Variants in MDN1 observed in about 807,000 individuals in gnomAD.
MDN1 encodes midasin.
Under a neutral mutation model 669.2 loss-of-function variants are expected in MDN1, and 266 were observed. The ratio of observed to expected loss-of-function variants is 0.40; its 90% confidence interval spans 0.36 to 0.44. MDN1 has a LOEUF of 0.44. Ranked by LOEUF, MDN1 falls within the 20% of genes least tolerant of loss-of-function variation. The pLI, the probability that MDN1 is intolerant of heterozygous loss-of-function variation, is 1.00. For missense variants in MDN1, 5,940 were observed against 6,754.0 expected (o/e 0.88, Z 4.22); for synonymous variants, 2,385 against 2,457.1 (o/e 0.97, Z 0.87).
At chr6:89,667,819 G>T (rs1270658124) in intron 84 of MDN1, among the ~76,000 whole-genome samples, 195 bp downstream of exon 84, 1 of 152,020 alleles carries the variant, frequency 6.6e-6, no homozygotes, top group Non-Finnish European at 1.5e-5. Context: ...AACCAATGAT[G>T]GAGTTGCCAG....
intron 1 of MDN1, 43 bp downstream of exon 1, chr6:89,819,463 G>A: frequency 6.4e-7 from 1 of 1,554,654 alleles, no homozygotes; most frequent in Non-Finnish European, 8.8e-7. Flanking sequence ...CTAGTGGGGC[G>A]ACCCAGTCGT....
intron 79 of MDN1, 58 bp downstream of exon 79, chr6:89,674,046 G>A (rs2128304641): frequency 6.8e-7 from 1 of 1,475,042 alleles, no homozygotes; most frequent in South Asian, 1.2e-5. Flanking sequence ...CCCCAATTTA[G>A]ATAAGCACAA....
Position 89,785,087 on chromosome 6 carries a change from G to T in MDN1, c.1374C>A (p.Asn458Lys). The T allele has an allele frequency of 6.2e-7, 1 of 1,614,058 alleles. No homozygotes were observed. Among genetic ancestry groups the T allele is most frequent in the Admixed American group, 1.7e-5 (1 of 60,006 alleles). ...ATTTGTCTAGCAAAGTAGCATGACT[G>T]TTTAGCGGTCGATACCAATTTCCTC... is the stretch of plus-strand genomic sequence containing the variant. Reference protein sequence around the residue: ...SCGGNWYRPLNSHATLLDKYW... With the variant: ...SCGGNWYRPLKSHATLLDKYW... Residue 458 changes from asparagine (N) to lysine (K), a missense_variant, in exon 9 of 102, where the codon AAC becomes AAA. Asn to Lys is a moderately conservative substitution (Grantham distance 94, BLOSUM62 0). Coordinates refer to ENST00000369393, the MANE Select transcript of MDN1 (RefSeq NM_014611.3).
Position 89,753,976 on chromosome 6 carries a change from C to G in MDN1, c.2964+107G>C, listed in dbSNP as rs1474782543. ...CTGGTAAGAGGTATTATGGGCTGATCTGACTAACTGGAAAGCACAGGCAAC... is the reference window on the plus strand; with the variant it reads ...CTGGTAAGAGGTATTATGGGCTGATGTGACTAACTGGAAAGCACAGGCAAC... On this transcript the variant is annotated intron_variant, in intron 21 of 101. Transcript: ENST00000369393. 1.2e-5 allele frequency: 14 copies of G among 1,194,106 alleles called. No homozygotes were observed. In the Admixed American group the frequency reaches 2.0e-4, roughly 17 times the overall value. 74.0% of individuals were successfully genotyped at this position (1,194,106 alleles called of 1,614,324 possible).
chr6:89,804,199 C>T (rs1767868373), intron 1 of MDN1, among the ~76,000 whole-genome samples: 1 of 152,060 alleles, frequency 6.6e-6, no homozygotes, highest in South Asian at 2.1e-4. Context: ...CGTGAGCCAC[C>T]ATGCCTGGCC....
intron 88 of MDN1, among the ~76,000 whole-genome samples, chr6:89,659,486 G>A (rs2128300687): frequency 6.6e-6 from 1 of 152,346 alleles, no homozygotes; most frequent in Admixed American, 6.5e-5. Flanking sequence ...CTGAGTGTTT[G>A]CAATCGAGAG....
chr6:89,789,935 T>C lies in MDN1; in HGVS notation c.1099-24A>G, dbSNP rs771727890. On this transcript the variant is annotated intron_variant, in intron 6 of 101. Coordinates refer to ENST00000369393, the MANE Select transcript of MDN1 (RefSeq NM_014611.3). ...ATCTGCAGAAAGAAGATAAAGTAAT[T>C]ACTGAAAAACCATACCTGTAGTGGC... is the stretch of plus-strand genomic sequence containing the variant. The C allele has an allele frequency of 2.5e-6, 4 of 1,605,502 alleles. No individual in the cohort carries two copies. In the African/African-American group the frequency reaches 5.4e-5, roughly 22 times the overall value.
Position 89,692,960 on chromosome 6 carries a change from T to C in MDN1, c.10070A>G (p.Asp3357Gly). 6.2e-7 allele frequency: 1 copy of C among 1,614,104 alleles called. No individual in the cohort carries two copies. Among genetic ancestry groups the C allele is most frequent in the Non-Finnish European group, 8.5e-7 (1 of 1,180,000 alleles). The change falls in exon 63 of 102, where the codon GAT (aspartate) becomes GGT (glycine). Residue 3357 changes from aspartate (D) to glycine (G), a missense_variant. Physicochemically the swap from Asp to Gly is moderately conservative, Grantham distance 94 (BLOSUM62 -1). Transcript: ENST00000369393. The stretch of plus-strand genomic sequence containing the variant: ...GGCTACTTGGGCAGACCGTGGCCCA[T>C]CTATGTGGAGGGCCTGCAGAAGCCG... ...LTRLLQALHI[D>G]GPRSAQVAQS... is the part of the protein sequence containing the mutation.
chr6:89,768,738 C>T (rs1273532078), intron 15 of MDN1, among the ~76,000 whole-genome samples: 1 of 151,478 alleles, frequency 6.6e-6, no homozygotes, highest in Non-Finnish European at 1.5e-5. Context: ...CCCTGTCCCC[C>T]CCCAAAAAAA....
chr6:89,805,171 A>T (rs557543501), intron 1 of MDN1, among the ~76,000 whole-genome samples: 61 of 152,262 alleles, frequency 4.0e-4, no homozygotes, highest in African/African-American at 1.4e-3. Flanking sequence ...GTTTCTGCCC[A>T]GCAATGTAAC....
At chr6:89,698,820 C>T (rs1812949621) in intron 59 of MDN1, 45 bp downstream of exon 59, 2 of 1,594,908 alleles carry the variant, frequency 1.3e-6, no homozygotes, top group East Asian at 4.5e-5. Flanking sequence ...TTCAGAAACT[C>T]TTTTGCCACT....
chr6:89,660,129 C>T (rs895644406), intron 88 of MDN1, among the ~76,000 whole-genome samples: 7 of 152,086 alleles, frequency 4.6e-5, no homozygotes, highest in Non-Finnish European at 8.8e-5. Flanking sequence ...TCAGGTGATC[C>T]GCCCGCCTCA....
At chr6:89,654,042 T>C in intron 93 of MDN1, 122 bp downstream of exon 93, 1 of 1,127,944 alleles carries the variant, frequency 8.9e-7, no homozygotes, top group South Asian at 1.8e-5. Flanking sequence ...TTATAGGCAA[T>C]TCATTCATCT....
intron 2 of MDN1, among the ~76,000 whole-genome samples, chr6:89,798,458 C>T (rs1441197539): frequency 6.6e-6 from 1 of 151,592 alleles, no homozygotes; most frequent in Non-Finnish European, 1.5e-5. Flanking sequence ...GCCAAGATTG[C>T]ACCACTGCAT....
At chr6:89,686,402 G>A (rs1321540781) in intron 69 of MDN1, among the ~76,000 whole-genome samples, 1 of 151,818 alleles carries the variant, frequency 6.6e-6, no homozygotes, top group East Asian at 1.9e-4. Context: ...TCCAGCCTGG[G>A]CAACAGAGCA....
intron 90 of MDN1, among the ~76,000 whole-genome samples, chr6:89,657,730 A>C (rs769968237): frequency 3.9e-5 from 6 of 152,242 alleles, no homozygotes; most frequent in Non-Finnish European, 8.8e-5. Context: ...ATATAAAAAT[A>C]AGTAGCAGTC....
At chr6:89,677,758 T>C (rs1431473103) in intron 75 of MDN1, 62 bp from the exon 76 acceptor site, 3 of 1,605,400 alleles carry the variant, frequency 1.9e-6, no homozygotes, top group Admixed American at 3.4e-5. Flanking sequence ...TGTGCCCCCC[T>C]CTCCCCTGCT....
At chr6:89,745,199 G>A in intron 29 of MDN1, 74 bp downstream of exon 29, 1 of 1,268,142 alleles carries the variant, frequency 7.9e-7, no homozygotes, top group Non-Finnish European at 1.1e-6. Flanking sequence ...ACTTTCATGA[G>A]TTCTTCAGTG....
intron 40 of MDN1, 59 bp downstream of exon 40, chr6:89,722,896 A>T: frequency 6.8e-7 from 1 of 1,467,524 alleles, no homozygotes; most frequent in Non-Finnish European, 9.3e-7. Context: ...GTCCTTTCTC[A>T]CCCACAGGAA....
Sources: allele counts gnomAD v4.1 joint callset (sites outside exome capture counted in the v4.1 genomes callset), GRCh38; gene constraint gnomAD v4.1.1; transcripts MANE v1.5; gene names NCBI Gene and HGNC (gene_info 2026-07-23, HGNC 2026-07-21).